ADAM32: variants seen among roughly 807,000 people sequenced by gnomAD.
ADAM32 encodes the protein ADAM metallopeptidase domain 32.
A neutral mutation model predicts 114.9 loss-of-function variants in ADAM32; 89 were observed. The observed-to-expected ratio is 0.77, with a 90% CI of 0.65 to 0.92. ADAM32 has a LOEUF of 0.92. Among genes scored for constraint, ADAM32 ranks in the 40% least tolerant of loss-of-function variants. ADAM32 has a pLI of 0.00. For synonymous variants in ADAM32, 285 were observed against 307.5 expected, an observed-to-expected ratio of 0.93 and a Z score of 0.77; for missense variants, 870 against 932.8, an observed-to-expected ratio of 0.93 and a Z score of 0.88.
chr8:39,258,499 T>C (rs1010260837), intron 19 of ADAM32, among the ~76,000 whole-genome samples: 3 of 152,118 alleles, frequency 2.0e-5, no homozygotes, highest in African/African-American at 7.2e-5. Context: ...AAATAATGAA[T>C]CAATTGTAAT....
At chr8:39,124,777 T>C (rs1462352339) in intron 2 of ADAM32, among the ~76,000 whole-genome samples, 1 of 152,204 alleles carries the variant, frequency 6.6e-6, no homozygotes, top group Non-Finnish European at 1.5e-5. Flanking sequence ...TTCCATGTCT[T>C]TGCTATTGTG....
chr8:39,223,315 T>C (rs1182944108), intron 14 of ADAM32, 77 bp downstream of exon 14: 1 of 960,098 alleles, frequency 1.0e-6, no homozygotes, highest in Non-Finnish European at 1.4e-6. Context: ...TATATTTTCA[T>C]ATATATAAAA....
intron 23 of ADAM32, among the ~76,000 whole-genome samples, chr8:39,282,883 T>C (rs917422597): frequency 6.6e-6 from 1 of 152,182 alleles, no homozygotes; most frequent in Non-Finnish European, 1.5e-5. Context: ...GAATGTTTCA[T>C]GGTCAGAGTA....
At chr8:39,181,342 G>A (rs972065338) in intron 10 of ADAM32, among the ~76,000 whole-genome samples, 4 of 152,088 alleles carry the variant, frequency 2.6e-5, no homozygotes, top group African/African-American at 4.8e-5. Context: ...AACACTCACT[G>A]CGAACGTCTG....
chr8:39,188,589 T>A (rs970174499), intron 11 of ADAM32, among the ~76,000 whole-genome samples: 1 of 152,164 alleles, frequency 6.6e-6, no homozygotes, highest in Non-Finnish European at 1.5e-5. Flanking sequence ...CCAAGCACTT[T>A]ACATATATTA....
chr8:39,268,151 T>G (rs1487482481), intron 19 of ADAM32, among the ~76,000 whole-genome samples: 1 of 152,238 alleles, frequency 6.6e-6, no homozygotes, highest in East Asian at 1.9e-4. Context: ...TAAGTGTATG[T>G]TTAAATTCTA....
intron 1 of ADAM32, among the ~76,000 whole-genome samples, chr8:39,115,443 A>C (rs1415295425): frequency 6.6e-6 from 1 of 152,156 alleles, no homozygotes; most frequent in African/African-American, 2.4e-5. Context: ...TTGACTTTTT[A>C]ATAAGTCATT....
At chr8:39,239,996 C>T (rs1362399668) in intron 16 of ADAM32, among the ~76,000 whole-genome samples, 3 of 152,102 alleles carry the variant, frequency 2.0e-5, no homozygotes, top group African/African-American at 7.2e-5. Context: ...TTCAATACTT[C>T]GTGACAGCAC....
At chr8:39,283,771 C>CTT (rs373085019) in intron 24 of ADAM32, 147 bp downstream of exon 24, 5,421 of 240,608 alleles carry the variant, frequency 0.023, 15 homozygotes, top group South Asian at 0.031. Context: ...TTCTTTTATT[C>CTT]TTTTTTTTTT....
At chr8:39,107,721 C>A (rs1481404505), upstream of ADAM32, 1 of 1,549,684 alleles carries the variant, frequency 6.5e-7, no homozygotes, top group Non-Finnish European at 8.7e-7. Context: ...TCCCCGCGTC[C>A]CTGGCAATTC....
intron 11 of ADAM32, among the ~76,000 whole-genome samples, chr8:39,209,335 A>C (rs1808059066): frequency 6.6e-6 from 1 of 151,772 alleles, no homozygotes; most frequent in Non-Finnish European, 1.5e-5. Context: ...AACTTATTTC[A>C]ATCTCTTTGT....
chr8:39,264,675 G>A (rs905166041), intron 19 of ADAM32, among the ~76,000 whole-genome samples: 1 of 152,130 alleles, frequency 6.6e-6, no homozygotes. Context: ...ACTTTTTGAT[G>A]TATGCATTTA....
chr8:39,183,782 T>C (rs1806056519), intron 10 of ADAM32, among the ~76,000 whole-genome samples: 1 of 152,200 alleles, frequency 6.6e-6, no homozygotes, highest in Admixed American at 6.5e-5. Context: ...GATAAGTAAA[T>C]CTTGTAGTAA....
At chr8:39,108,011 C>G in intron 1 of ADAM32, 178 bp downstream of exon 1, 1 of 808,608 alleles carries the variant, frequency 1.2e-6, no homozygotes, top group Non-Finnish European at 1.8e-6. Flanking sequence ...GGGCCCAGCA[C>G]CAGGGCTCAC....
rs183670899 is a variant in ADAM32, at chr8:39,275,860, C to T, written c.2273C>T (p.Thr758Ile). The T allele has an allele frequency of 2.2e-3, 3,484 of 1,559,050 alleles. 4 individuals carry two copies. The highest frequency in any genetic ancestry group is 2.8e-3 in the Non-Finnish European group (3,256 of 1,150,980). ...TRSESSSQAD[T>I]SKSKSEDSAE... is the part of the protein sequence containing the mutation. ...TCAGAAAGCAGCAGTCAAGCTGATA[C>T]TAGCAAGTAAGTGAATTAGGGGGCA... The change falls in exon 22 of 25, where the codon ACT becomes ATT. Residue 758 changes from threonine to isoleucine, a missense_variant. Transcript: ENST00000379907.
rs1266978768 is a variant in ADAM32 at position 39,187,025 on chromosome 8, T to TATA, written c.1035_1037dup (p.Ile345dup). On this transcript the variant is annotated inframe_insertion, in exon 11 of 25. Transcript: ENST00000379907. ...AATGTCAATGTTCAGAATCCACCTG[T>TATA]ATAATGAATCCAGAAGTTGTGTAAG... is the stretch of plus-strand genomic sequence containing the variant. 1 of 1,608,592 alleles carries TATA rather than the reference T, an allele frequency of 6.2e-7. No homozygotes were observed. The highest frequency in any genetic ancestry group is 8.5e-7 in the Non-Finnish European group (1 of 1,178,162).
At chr8:39,194,251 G>A (rs1806805010) in intron 11 of ADAM32, among the ~76,000 whole-genome samples, 1 of 152,114 alleles carries the variant, frequency 6.6e-6, no homozygotes, top group Non-Finnish European at 1.5e-5. Flanking sequence ...TGAAGGGGTG[G>A]GTTTGCTGTT....
intron 17 of ADAM32, among the ~76,000 whole-genome samples, chr8:39,250,606 C>A: frequency 1.3e-5 from 2 of 151,988 alleles, no homozygotes; most frequent in South Asian, 4.2e-4. Flanking sequence ...ATAATACATT[C>A]ATATAATTCA....
intron 16 of ADAM32, among the ~76,000 whole-genome samples, chr8:39,241,525 A>T (rs1473669434): frequency 2.6e-5 from 4 of 152,218 alleles, no homozygotes; most frequent in Admixed American, 2.6e-4. Flanking sequence ...AGGTTCCCAA[A>T]TCTTGACTCT....
Sources: allele counts gnomAD v4.1 joint callset (sites outside exome capture counted in the v4.1 genomes callset), GRCh38; gene constraint gnomAD v4.1.1; transcripts MANE v1.5; gene names NCBI Gene and HGNC (gene_info 2026-07-23, HGNC 2026-07-21).